Variants in RIMBP2 observed in about 807,000 individuals in gnomAD.
RIMBP2 encodes the protein RIMS binding protein 2.
Under a neutral mutation model 118.6 loss-of-function variants are expected in RIMBP2, and 48 were observed. The observed-to-expected ratio is 0.40, with a 90% CI of 0.32 to 0.51. RIMBP2 has a LOEUF of 0.51. Among genes scored for constraint, RIMBP2 ranks in the 20% least tolerant of loss-of-function variants. The probability of loss-of-function intolerance (pLI) is 0.41; values close to 1 mark genes in which losing one functional copy is unlikely to be tolerated. For synonymous variants in RIMBP2, 762 were observed against 742.9 expected (o/e 1.03, Z -0.42); for missense variants, 1,551 against 1,768.3 (o/e 0.88, Z 2.20).
chr12:130,693,996 C>A (rs548797138), intron 1 of RIMBP2, among the ~76,000 whole-genome samples: 1 of 152,312 alleles, frequency 6.6e-6, no homozygotes, highest in Non-Finnish European at 1.5e-5. Flanking sequence ...AGCCTGCACA[C>A]CAGGAAGCTC....
rs1039977818 is a variant in RIMBP2 at position 130,434,259 on chromosome 12, A to G, written c.2253+475T>C. 2.0e-5 allele frequency among the ~76,000 whole-genome samples: 3 copies of G among 152,352 alleles called. No individual in the cohort carries two copies. Among genetic ancestry groups the G allele is most frequent in the Non-Finnish European group, 4.4e-5 (3 of 68,026 alleles). ...CGATCGGAAATTAGACAGAAACCCC[A>G]AACTGGCTGAATGTCTTCCTCATGA... is the stretch of plus-strand genomic sequence containing the variant. On this transcript the variant is annotated intron_variant, in intron 14 of 22. Transcript: ENST00000690449. The surrounding 1 kb of genome is among the most constrained non-coding windows in gnomAD (Gnocchi z 5.7).
intron 1 of RIMBP2, among the ~76,000 whole-genome samples, chr12:130,676,483 T>TG (rs1566448753): frequency 1.8e-4 from 27 of 151,116 alleles, no homozygotes; most frequent in African/African-American, 6.1e-4. Context: ...ATTAGCTGGG[T>TG]GTGGTGGTAT....
At chr12:130,473,771 C>T (rs1019950174) in intron 5 of RIMBP2, among the ~76,000 whole-genome samples, 1 of 152,174 alleles carries the variant, frequency 6.6e-6, no homozygotes, top group Non-Finnish European at 1.5e-5. Flanking sequence ...CTGAAACTAA[C>T]ACAGAGGGTC....
intron 3 of RIMBP2, among the ~76,000 whole-genome samples, chr12:130,514,403 C>A (rs1471613051): frequency 6.6e-6 from 1 of 152,276 alleles, no homozygotes; most frequent in Non-Finnish European, 1.5e-5. Context: ...ACCAGCCATC[C>A]AGGAAAGGAG....
Position 130,450,279 on chromosome 12 carries a change from G to A in RIMBP2, c.505-3C>T, listed in dbSNP as rs2078888722. 1 of 1,603,376 alleles carries A rather than the reference G, an allele frequency of 6.2e-7. No individual in the cohort carries two copies. The highest frequency in any genetic ancestry group is 1.3e-5 in the African/African-American group (1 of 74,770). ...TTGGAATTCCGTTCATTCTCCATCT[G>A]TGAAAAAGGCAATGGGTGTGTGGGT... On this transcript the variant is annotated splice_region_variant and splice_polypyrimidine_tract_variant and intron_variant, in intron 8 of 22. Coordinates refer to ENST00000690449, the MANE Select transcript of RIMBP2 (RefSeq NM_001393629.1). The surrounding 1 kb of genome is among the most constrained non-coding windows in gnomAD (Gnocchi z 4.8).
At chr12:130,648,646 TA>T (rs2063091361) in intron 1 of RIMBP2, among the ~76,000 whole-genome samples, 1 of 143,328 alleles carries the variant, frequency 7.0e-6, no homozygotes, top group Non-Finnish European at 1.6e-5. Context: ...AAAAACTATC[TA>T]AAATTAGTAT....
At position 130,459,604 on chromosome 12, in the gene RIMBP2, G is replaced by A. The variant is rs140071139; in HGVS notation, c.154-2904C>T. ...CCACCCCATCAAGGGGGCTAAGGGC[G>A]GCTGAGGTCACAGGAGCCTAAAGCG... On this transcript the variant is annotated intron_variant, in intron 6 of 22. Coordinates refer to ENST00000690449, the MANE Select transcript of RIMBP2 (RefSeq NM_001393629.1). 1.7e-3 allele frequency among the ~76,000 whole-genome samples: 254 copies of A among 152,320 alleles called. 2 individuals carry two copies. Among genetic ancestry groups the A allele is most frequent in the African/African-American group, 5.7e-3 (239 of 41,576 alleles).
intron 1 of RIMBP2, among the ~76,000 whole-genome samples, chr12:130,634,306 T>C (rs1276093036): frequency 6.6e-6 from 1 of 152,138 alleles, no homozygotes; most frequent in African/African-American, 2.4e-5. Flanking sequence ...ACAGAAGTGT[T>C]GGGAAGGAAT....
At chr12:130,595,774 G>A (rs911664742) in intron 2 of RIMBP2, among the ~76,000 whole-genome samples, 5 of 152,192 alleles carry the variant, frequency 3.3e-5, no homozygotes, top group South Asian at 2.1e-4. Flanking sequence ...CAGGGCAAAC[G>A]CCCTGTGCCA....
chr12:130,563,290 C>G (rs1387676555), intron 2 of RIMBP2, among the ~76,000 whole-genome samples: 2 of 152,192 alleles, frequency 1.3e-5, no homozygotes, highest in African/African-American at 4.8e-5. Context: ...CCCTGCCAAG[C>G]CTCTTCCTCA....
intron 2 of RIMBP2, among the ~76,000 whole-genome samples, chr12:130,624,387 G>C (rs556106228): frequency 1.3e-5 from 2 of 152,188 alleles, no homozygotes; most frequent in African/African-American, 4.8e-5. Context: ...AACAGATTAT[G>C]TGTGTACTTG....
At chr12:130,418,760 G>C (rs893474123) in intron 17 of RIMBP2, among the ~76,000 whole-genome samples, 3 of 152,172 alleles carry the variant, frequency 2.0e-5, no homozygotes, top group African/African-American at 7.2e-5. Flanking sequence ...CTACGTAAGA[G>C]TGCATTTTCT....
At position 130,549,104 on chromosome 12, in the gene RIMBP2, G is replaced by C. The variant is rs187735034; in HGVS notation, c.-216-31187C>G. On this transcript the variant is annotated intron_variant, in intron 2 of 22. Coordinates refer to ENST00000690449, the MANE Select transcript of RIMBP2 (RefSeq NM_001393629.1). The stretch of plus-strand genomic sequence containing the variant: ...GAAACTTGTAAGAAATGCAGACATA[G>C]GGGATTTTATTCAGTGTGATTTCAT... Among the ~76,000 whole-genome samples, 12 of 152,278 alleles carry C rather than the reference G, an allele frequency of 7.9e-5. No individual in the cohort carries two copies. The East Asian group carries it at 2.3e-3, about 29-fold the overall frequency.
chr12:130,671,993 G>A (rs185576734), intron 1 of RIMBP2, among the ~76,000 whole-genome samples: 12 of 152,258 alleles, frequency 7.9e-5, no homozygotes, highest in East Asian at 1.9e-4. Flanking sequence ...GCATATTTGC[G>A]TACGTGTTCC....
chr12:130,479,035 G>C lies in RIMBP2; in HGVS notation c.-3-19C>G. 6.2e-7 allele frequency: 1 copy of C among 1,601,538 alleles called. No individual in the cohort carries two copies. Among genetic ancestry groups the C allele is most frequent in the Non-Finnish European group, 8.5e-7 (1 of 1,171,082 alleles). On this transcript the variant is annotated intron_variant, in intron 4 of 22. Transcript: ENST00000690449. ...GCATATGCTGTGGGGACAGAGAGAG[G>C]CCTGGCTGAGCAGGGCAGCCTGTGC...
Position 130,469,440 on chromosome 12 carries a change from G to A in RIMBP2, c.153+1253C>T, listed in dbSNP as rs2080813502. On this transcript the variant is annotated intron_variant, in intron 6 of 22. Coordinates refer to ENST00000690449, the MANE Select transcript of RIMBP2 (RefSeq NM_001393629.1). This position sits in a 1 kb window ranked among gnomAD's most constrained non-coding sequence, Gnocchi z 4.8. Reference sequence around the variant, plus strand: ...GGAGAGGCAACTACCTTTTCTGCCAGGAGACGATGCAAATTAAAGTGCGGT... The same window carrying A: ...GGAGAGGCAACTACCTTTTCTGCCAAGAGACGATGCAAATTAAAGTGCGGT... 6.6e-6 allele frequency among the ~76,000 whole-genome samples: 1 copy of A among 152,134 alleles called. No individual in the cohort carries two copies. Among genetic ancestry groups the A allele is most frequent in the African/African-American group, 2.4e-5 (1 of 41,430 alleles).
At chr12:130,597,563 T>C (rs912168841) in intron 2 of RIMBP2, among the ~76,000 whole-genome samples, 1 of 152,166 alleles carries the variant, frequency 6.6e-6, no homozygotes, top group Non-Finnish European at 1.5e-5. Flanking sequence ...CTTAACCAAA[T>C]AGAGTTTATC....
chr12:130,437,017 T>G lies in RIMBP2; in HGVS notation c.1931A>C (p.Gln644Pro). Residue 644 changes from glutamine to proline, a missense_variant, in exon 13 of 23, where the codon CAG (glutamine) becomes CCG (proline). Coordinates refer to ENST00000690449, the MANE Select transcript of RIMBP2 (RefSeq NM_001393629.1). ...PHARMDEAWE[Q>P]SRAPGPVHGH... ...ATGCACAGGGCCAGGTGCACGGCTC[T>G]GCTCCCAGGCCTCATCCATCCTGGC... 1 of 1,596,044 alleles carries G rather than the reference T, an allele frequency of 6.3e-7. No homozygotes were observed.
intron 1 of RIMBP2, among the ~76,000 whole-genome samples, chr12:130,656,329 G>T (rs1343470420): frequency 3.3e-5 from 5 of 152,156 alleles, no homozygotes; most frequent in Non-Finnish European, 5.9e-5. Context: ...GGCAGGCAGG[G>T]GCTAGAATTC....
Sources: gnomAD v4.1 joint callset for allele counts (sites outside exome capture counted in the v4.1 genomes callset) on GRCh38, gnomAD v4.1.1 for gene constraint, Gnocchi (gnomAD v3.1) non-coding constraint, MANE v1.5 for transcripts, NCBI Gene and HGNC (gene_info 2026-07-23, HGNC 2026-07-21) for gene names.